RNF24: variants seen among roughly 807,000 people sequenced by gnomAD.
The protein encoded by RNF24 is ring finger protein 24.
In RNF24, 14 loss-of-function variants were observed where a neutral mutation model predicts 20.0. The observed-to-expected ratio is 0.70, with a 90% CI of 0.46 to 1.10. RNF24 has a LOEUF of 1.10. RNF24 is among the 50% of genes least tolerant of loss of function. The pLI, the probability that RNF24 is intolerant of heterozygous loss-of-function variation, is 0.00. For missense variants in RNF24, 124 were observed against 177.6 expected (o/e 0.70, Z 1.71); for synonymous variants, 45 against 61.1 (o/e 0.74, Z 1.23).
intron 3 of RNF24, among the ~76,000 whole-genome samples, chr20:3,946,521 T>C (rs1268009344): frequency 6.6e-6 from 1 of 151,822 alleles, no homozygotes; most frequent in East Asian, 1.9e-4. Flanking sequence ...AGACCCCATC[T>C]CTACAAAAAG....
intron 1 of RNF24, among the ~76,000 whole-genome samples, chr20:3,967,768 G>T (rs1453263371): frequency 6.6e-6 from 1 of 152,088 alleles, no homozygotes; most frequent in Non-Finnish European, 1.5e-5. Flanking sequence ...GGCTGAGGCG[G>T]GCAGATCACG....
At chr20:3,942,959 G>A (rs1187515868) in intron 4 of RNF24, among the ~76,000 whole-genome samples, 1 of 152,022 alleles carries the variant, frequency 6.6e-6, no homozygotes, top group Non-Finnish European at 1.5e-5. Context: ...GGGATTACAG[G>A]TGTCCATCAC....
rs142743842 is a variant in RNF24 at position 3,999,984 on chromosome 20, G to A, written c.-8+15453C>T. 4.3e-3 allele frequency among the ~76,000 whole-genome samples: 662 copies of A among 152,290 alleles called. 2 individuals carry two copies. The highest frequency in any genetic ancestry group is 0.015 in the African/African-American group (641 of 41,548). On this transcript the variant is annotated intron_variant, in intron 1 of 5. Transcript: ENST00000358395. ...TATAGAAATAGAAAGTAGATTGGTA[G>A]TTGCTTAGAGCAAGGGAAGGGGGAG...
chr20:3,939,503 C>T lies in RNF24; in HGVS notation c.229-4430G>A, dbSNP rs1432439149. Reference sequence around the variant, plus strand: ...GCACCCTTGTTGAAAATCAACTGACCATAAATGTTTGAATTTATTTTTGGA... The same window carrying T: ...GCACCCTTGTTGAAAATCAACTGACTATAAATGTTTGAATTTATTTTTGGA... On this transcript the variant is annotated intron_variant, in intron 4 of 5. Transcript: ENST00000358395. Among the ~76,000 whole-genome samples, 4 of 152,236 alleles carry T rather than the reference C, an allele frequency of 2.6e-5. No individual in the cohort carries two copies. The East Asian group carries it at 7.7e-4, about 29-fold the overall frequency.
At chr20:4,006,533 G>A (rs1047752311) in intron 1 of RNF24, among the ~76,000 whole-genome samples, 1 of 152,108 alleles carries the variant, frequency 6.6e-6, no homozygotes, top group African/African-American at 2.4e-5. Context: ...TTTAAAAGCA[G>A]GTAACCTGGA....
chr20:4,010,103 G>A (rs1047128357), intron 1 of RNF24, among the ~76,000 whole-genome samples: 1 of 151,152 alleles, frequency 6.6e-6, no homozygotes, highest in African/African-American at 2.4e-5. Flanking sequence ...GGCCAGATGC[G>A]GTGGCTCATG....
chr20:3,973,455 TC>T (rs1477081672), intron 1 of RNF24, among the ~76,000 whole-genome samples: 1 of 143,958 alleles, frequency 6.9e-6, no homozygotes, highest in Non-Finnish European at 1.5e-5. Context: ...CTGAGTCTTT[TC>T]TTTGAAATGA....
intron 1 of RNF24, among the ~76,000 whole-genome samples, chr20:3,975,723 A>G (rs777315929): frequency 1.3e-5 from 2 of 152,196 alleles, no homozygotes; most frequent in African/African-American, 4.8e-5. Flanking sequence ...TGGTGTCTTT[A>G]TAAGAGGAAA....
intron 1 of RNF24, among the ~76,000 whole-genome samples, chr20:4,000,782 G>C (rs1031684249): frequency 3.3e-5 from 5 of 152,160 alleles, no homozygotes; most frequent in Admixed American, 2.0e-4. Context: ...GAGCTAAGGA[G>C]ATAAACTACA....
chr20:3,993,436 G>C (rs149444740), intron 1 of RNF24, among the ~76,000 whole-genome samples: 1 of 152,138 alleles, frequency 6.6e-6, no homozygotes, highest in South Asian at 2.1e-4. Flanking sequence ...ACAGGAGCCC[G>C]TCACCACACC....
chr20:3,992,643 A>G (rs1980548098), intron 1 of RNF24, among the ~76,000 whole-genome samples: 1 of 152,144 alleles, frequency 6.6e-6, no homozygotes. Flanking sequence ...TAAGTCTCGT[A>G]CAATTGGTAG....
rs565253527 is a variant in RNF24 at position 3,940,404 on chromosome 20, G to GA, written c.228+4772dup. ...GAAATTACTCAGTCTGAACAACAGA[G>GA]AAAAAATTACTGAAAAAAAAAAAAA... On this transcript the variant is annotated intron_variant, in intron 4 of 5. Coordinates refer to ENST00000358395, the MANE Select transcript of RNF24 (RefSeq NM_001134337.3). Among the ~76,000 whole-genome samples the GA allele has an allele frequency of 2.9e-3, 349 of 121,894 alleles. 2 individuals carry two copies. The highest frequency in any genetic ancestry group is 0.01 in the African/African-American group (322 of 30,968). The allele number at this position is 121,894 out of a possible 152,430, so 80.0% of individuals were successfully genotyped here.
At chr20:3,979,547 T>C (rs762526780) in intron 1 of RNF24, among the ~76,000 whole-genome samples, 1 of 151,950 alleles carries the variant, frequency 6.6e-6, no homozygotes, top group Non-Finnish European at 1.5e-5. Context: ...TGGTGGTGGG[T>C]GCCTGTAATC....
At chr20:3,952,190 T>G (rs1283915102) in intron 2 of RNF24, among the ~76,000 whole-genome samples, 1 of 151,736 alleles carries the variant, frequency 6.6e-6, no homozygotes, top group South Asian at 2.1e-4. Flanking sequence ...TGAGTAAGAA[T>G]GTACAAAATT....
intron 2 of RNF24, among the ~76,000 whole-genome samples, chr20:3,954,937 ACT>A (rs1315020358): frequency 6.6e-6 from 1 of 151,710 alleles, no homozygotes; most frequent in East Asian, 1.9e-4. Flanking sequence ...GATCCACCAA[ACT>A]CTTTTTCACA....
At chr20:4,012,942 A>C (rs2122177308) in intron 1 of RNF24, among the ~76,000 whole-genome samples, 1 of 152,190 alleles carries the variant, frequency 6.6e-6, no homozygotes. Context: ...TTATGCAGTC[A>C]AGACAGGCAG....
At chr20:4,003,581 T>C (rs1341764463) in intron 1 of RNF24, among the ~76,000 whole-genome samples, 1 of 150,808 alleles carries the variant, frequency 6.6e-6, no homozygotes, top group African/African-American at 2.4e-5. Context: ...AAAATCTACA[T>C]ATTTCTTTCA....
intron 1 of RNF24, among the ~76,000 whole-genome samples, chr20:3,968,635 C>T (rs1459951552): frequency 6.6e-6 from 1 of 152,104 alleles, no homozygotes; most frequent in East Asian, 1.9e-4. Flanking sequence ...AAGCTTTTGA[C>T]ATATTAGAAG....
intron 1 of RNF24, among the ~76,000 whole-genome samples, chr20:3,978,616 C>A (rs937944015): frequency 6.6e-6 from 1 of 151,464 alleles, no homozygotes; most frequent in African/African-American, 2.4e-5. Context: ...TTTTTAAATG[C>A]GGGATGCAAT....
Sources: gnomAD v4.1 joint callset for allele counts (sites outside exome capture counted in the v4.1 genomes callset) on GRCh38, gnomAD v4.1.1 for gene constraint, MANE v1.5 for transcripts, NCBI Gene and HGNC (gene_info 2026-07-23, HGNC 2026-07-21) for gene names.